CNTN5: variants seen among roughly 807,000 people sequenced by gnomAD.
CNTN5 encodes the protein contactin-5.
Under a neutral mutation model 129.1 loss-of-function variants are expected in CNTN5, and 77 were observed. The ratio of observed to expected loss-of-function variants is 0.60; its 90% CI spans 0.50 to 0.72. The LOEUF (loss-of-function observed/expected upper bound fraction) is 0.72. Ranked by LOEUF, CNTN5 falls within the 30% of genes least tolerant of loss-of-function variation. CNTN5 has a pLI of 0.00. For missense variants in CNTN5, 1,478 were observed against 1,328.8 expected, an observed-to-expected ratio of 1.11 and a Z score of -1.75; for synonymous variants, 509 against 465.6, an observed-to-expected ratio of 1.09 and a Z score of -1.20.
chr11:100,223,851 C>T (rs181765140), intron 15 of CNTN5, among the ~76,000 whole-genome samples: 276 of 152,108 alleles, frequency 1.8e-3, no homozygotes, highest in African/African-American at 6.0e-3. Context: ...TACATGATCA[C>T]GATAAAGGAA....
At chr11:99,660,723 C>T (rs1565400383) in intron 3 of CNTN5, among the ~76,000 whole-genome samples, 1 of 152,022 alleles carries the variant, frequency 6.6e-6, no homozygotes, top group Admixed American at 6.6e-5. Context: ...TCCAATGTAA[C>T]ATATTTATTC....
intron 3 of CNTN5, among the ~76,000 whole-genome samples, chr11:99,583,011 GT>G (rs1370973709): frequency 2.0e-5 from 3 of 152,134 alleles, no homozygotes; most frequent in Admixed American, 2.0e-4. Flanking sequence ...TGGTGTGGAT[GT>G]CCTCTCTGTT....
chr11:99,952,781 C>CA (rs377725140), intron 7 of CNTN5, among the ~76,000 whole-genome samples: 8 of 151,764 alleles, frequency 5.3e-5, no homozygotes, highest in Non-Finnish European at 8.8e-5. Flanking sequence ...ACAGAAATAA[C>CA]AAAAAAATAG....
intron 13 of CNTN5, among the ~76,000 whole-genome samples, chr11:100,152,213 G>A (rs1270323934): frequency 6.6e-6 from 1 of 151,986 alleles, no homozygotes; most frequent in Non-Finnish European, 1.5e-5. Flanking sequence ...CTTCCACTTG[G>A]TGCGTTCTTT....
chr11:99,730,152 A>G (rs1004792165), intron 3 of CNTN5, among the ~76,000 whole-genome samples: 1 of 152,174 alleles, frequency 6.6e-6, no homozygotes, highest in African/African-American at 2.4e-5. Flanking sequence ...ACTTACTTAT[A>G]TTGTGAATAA....
At chr11:100,330,239 A>C (rs1235481346) in intron 21 of CNTN5, among the ~76,000 whole-genome samples, 1 of 152,232 alleles carries the variant, frequency 6.6e-6, no homozygotes, top group Non-Finnish European at 1.5e-5. Flanking sequence ...TCTGGAGCTC[A>C]AAGACAAGGC....
chr11:99,307,447 C>A (rs957171611), intron 1 of CNTN5, among the ~76,000 whole-genome samples: 23 of 152,132 alleles, frequency 1.5e-4, no homozygotes, highest in African/African-American at 5.1e-4. Flanking sequence ...GAAATCTATT[C>A]AAAAAATGCA....
intron 21 of CNTN5, among the ~76,000 whole-genome samples, chr11:100,327,565 T>C (rs1951816018): frequency 6.6e-6 from 1 of 152,188 alleles, no homozygotes; most frequent in South Asian, 2.1e-4. Flanking sequence ...AAACCTCTGA[T>C]CAAAACCCGA....
rs941726631 is a variant in CNTN5, at chr11:100,297,228, C to T, written c.2315-397C>T. 2.3e-4 allele frequency among the ~76,000 whole-genome samples: 35 copies of T among 151,356 alleles called. 1 individual carries two copies. The highest frequency in any genetic ancestry group is 8.2e-4 in the African/African-American group (34 of 41,312). ...TGGGGGTTCTGGTAAGGCAGTAATG[C>T]TAATCTTGACCTGTGGATTTTTCAG... is the stretch of plus-strand genomic sequence containing the variant. On this transcript the variant is annotated intron_variant, in intron 18 of 24. Coordinates refer to ENST00000524871, the MANE Select transcript of CNTN5 (RefSeq NM_014361.4).
intron 8 of CNTN5, among the ~76,000 whole-genome samples, chr11:99,991,205 C>T (rs1007783754): frequency 2.0e-5 from 3 of 152,064 alleles, no homozygotes; most frequent in Non-Finnish European, 4.4e-5. Context: ...TGGTGGCTCA[C>T]GCCTGTAATC....
At chr11:99,841,131 A>G (rs184166704) in intron 4 of CNTN5, among the ~76,000 whole-genome samples, 123 of 152,250 alleles carry the variant, frequency 8.1e-4, no homozygotes, top group Non-Finnish European at 1.3e-3. Flanking sequence ...ACTGTCATTT[A>G]TGTTGACGCA....
intron 1 of CNTN5, among the ~76,000 whole-genome samples, chr11:99,031,236 T>C (rs1457491569): frequency 6.6e-6 from 1 of 152,176 alleles, no homozygotes; most frequent in Non-Finnish European, 1.5e-5. Context: ...CTAGATATAT[T>C]ACTATGGTAG....
At chr11:99,486,842 A>T (rs1019682886) in intron 2 of CNTN5, among the ~76,000 whole-genome samples, 8 of 152,156 alleles carry the variant, frequency 5.3e-5, no homozygotes, top group African/African-American at 7.2e-5. Context: ...ACATAGATCT[A>T]TTTTCTTACT....
At chr11:100,073,328 T>C (rs548430058) in intron 12 of CNTN5, among the ~76,000 whole-genome samples, 1 of 152,150 alleles carries the variant, frequency 6.6e-6, no homozygotes, top group African/African-American at 2.4e-5. Context: ...ATTACAGATA[T>C]AAGCCACCAG....
intron 3 of CNTN5, among the ~76,000 whole-genome samples, chr11:99,646,351 A>G (rs1387295007): frequency 2.0e-5 from 3 of 152,340 alleles, no homozygotes; most frequent in African/African-American, 7.2e-5. Flanking sequence ...TATAAGTCAA[A>G]TATGAGAAAT....
intron 1 of CNTN5, among the ~76,000 whole-genome samples, chr11:99,303,369 C>T (rs1459906932): frequency 1.3e-5 from 2 of 151,474 alleles, no homozygotes; most frequent in Non-Finnish European, 2.9e-5. Context: ...ACTTAGAACA[C>T]ATGATTTTAA....
intron 18 of CNTN5, among the ~76,000 whole-genome samples, chr11:100,283,900 C>T (rs1197772003): frequency 2.0e-5 from 3 of 152,000 alleles, no homozygotes; most frequent in Non-Finnish European, 4.4e-5. Flanking sequence ...GAGCCAAGAT[C>T]GGGCCATTGC....
chr11:99,201,442 C>G (rs1446049881), intron 1 of CNTN5, among the ~76,000 whole-genome samples: 6 of 143,516 alleles, frequency 4.2e-5, no homozygotes, highest in Admixed American at 7.2e-5. Flanking sequence ...TTCCTTTCTT[C>G]CTTTCTCTTT....
rs549824029 is a variant in CNTN5 at position 99,898,185 on chromosome 11, A to C, written c.578-17869A>C. Among the ~76,000 whole-genome samples, 8 of 152,210 alleles carry C rather than the reference A, an allele frequency of 5.3e-5. No individual in the cohort carries two copies. The South Asian group carries it at 1.7e-3, about 32-fold the overall frequency. ...AGAATAAGAAAAACAAGAACAAATCAAACCTAAATGTAGCAGAAGAAAAAA... is the reference window on the plus strand; with the variant it reads ...AGAATAAGAAAAACAAGAACAAATCCAACCTAAATGTAGCAGAAGAAAAAA... On this transcript the variant is annotated intron_variant, in intron 6 of 24. Transcript: ENST00000524871.
Sources: allele counts gnomAD v4.1 joint callset (sites outside exome capture counted in the v4.1 genomes callset), GRCh38; gene constraint gnomAD v4.1.1; transcripts MANE v1.5; gene names NCBI Gene and HGNC (gene_info 2026-07-23, HGNC 2026-07-21).